Variants in PIAS2 observed in about 807,000 individuals in gnomAD.
PIAS2 encodes E3 SUMO-protein ligase PIAS2.
PIAS2 carries 19 observed loss-of-function variants against 69.7 expected under a neutral mutation model. That is an observed-to-expected ratio of 0.27 (90% CI 0.19 to 0.40). The LOEUF is 0.40. PIAS2 is among the 10% of genes least tolerant of loss of function. PIAS2 has a pLI of 1.00. For synonymous variants in PIAS2, 261 were observed against 263.2 expected, an observed-to-expected ratio of 0.99 and a Z score of 0.08; for missense variants, 624 against 757.0, an observed-to-expected ratio of 0.82 and a Z score of 2.06.
intron 11 of PIAS2, among the ~76,000 whole-genome samples, chr18:46,822,560 A>G (rs924228627): frequency 6.6e-6 from 1 of 152,210 alleles, no homozygotes; most frequent in Non-Finnish European, 1.5e-5. Context: ...TAGAAAAGGC[A>G]GACTCTGGAG....
chr18:46,898,868 G>A (rs1188585383), intron 1 of PIAS2, among the ~76,000 whole-genome samples: 1 of 151,858 alleles, frequency 6.6e-6, no homozygotes, highest in Non-Finnish European at 1.5e-5. Flanking sequence ...ATGGGAGGGT[G>A]CCTGTAATCC....
At chr18:46,916,998 C>T (rs1038818584) in intron 1 of PIAS2, 10 of 986,502 alleles carry the variant, frequency 1.0e-5, no homozygotes, top group African/African-American at 1.7e-5. Context: ...CACATCGGCC[C>T]TCACTGCGAA....
At chr18:46,907,473 GACA>G (rs965220270) in intron 1 of PIAS2, 1 of 152,066 alleles carries the variant, frequency 6.6e-6, no homozygotes, top group African/African-American at 2.4e-5. Flanking sequence ...TACAACTACA[GACA>G]ACAATAAGGA....
At chr18:46,876,691 T>C (rs1309912052) in intron 2 of PIAS2, among the ~76,000 whole-genome samples, 1 of 136,628 alleles carries the variant, frequency 7.3e-6, no homozygotes, top group Non-Finnish European at 1.6e-5. Flanking sequence ...AATGATCCCT[T>C]TACTAATTTT....
intron 2 of PIAS2, among the ~76,000 whole-genome samples, chr18:46,874,474 T>C (rs554059949): frequency 4.2e-4 from 64 of 152,300 alleles, no homozygotes; most frequent in African/African-American, 1.2e-3. Context: ...AAGATGGGAA[T>C]ACCATACCCC....
chr18:46,856,219 T>G (rs2047804121), intron 3 of PIAS2, among the ~76,000 whole-genome samples: 1 of 151,934 alleles, frequency 6.6e-6, no homozygotes, highest in Non-Finnish European at 1.5e-5. Context: ...GCCAGGATGG[T>G]CTTGATCTCC....
chr18:46,860,915 T>C (rs192697892), intron 3 of PIAS2, among the ~76,000 whole-genome samples: 1 of 152,210 alleles, frequency 6.6e-6, no homozygotes, highest in East Asian at 1.9e-4. Flanking sequence ...TGGTCAAGGC[T>C]GCAACAAGCC....
chr18:46,908,435 TG>T (rs1391453901), intron 1 of PIAS2, among the ~76,000 whole-genome samples: 4 of 152,120 alleles, frequency 2.6e-5, no homozygotes, highest in African/African-American at 9.7e-5. Flanking sequence ...TGAAAGGTGA[TG>T]GAACAATTTA....
chr18:46,855,464 T>G (rs2047597580), intron 4 of PIAS2, 29 bp from the exon 5 acceptor site: 2 of 1,585,032 alleles, frequency 1.3e-6, no homozygotes, highest in African/African-American at 2.7e-5. Context: ...AAAGTATTCT[T>G]AAATAGTGTG....
chr18:46,871,748 G>A (rs2050392349), intron 2 of PIAS2, among the ~76,000 whole-genome samples: 1 of 152,094 alleles, frequency 6.6e-6, no homozygotes, highest in South Asian at 2.1e-4. Flanking sequence ...TTTAAAGCAA[G>A]AATCTTAGAA....
chr18:46,903,737 G>GT (rs2056216408), intron 1 of PIAS2: 1 of 152,034 alleles, frequency 6.6e-6, no homozygotes, highest in Non-Finnish European at 1.5e-5. Flanking sequence ...AGATGTGTGC[G>GT]TAAGTTTACC....
chr18:46,842,332 T>C (rs923338425), intron 8 of PIAS2, among the ~76,000 whole-genome samples: 1 of 150,846 alleles, frequency 6.6e-6, no homozygotes, highest in African/African-American at 2.4e-5. Context: ...TGTTTGGCCA[T>C]TGTATTTTGT....
chr18:46,846,673 C>A, intron 6 of PIAS2, 34 bp downstream of exon 6: 1 of 1,583,346 alleles, frequency 6.3e-7, no homozygotes, highest in South Asian at 1.2e-5. Context: ...TCAGTGGGGT[C>A]ACTGTCCTGC....
chr18:46,897,547 T>C (rs962422155), intron 1 of PIAS2, among the ~76,000 whole-genome samples: 8 of 152,194 alleles, frequency 5.3e-5, no homozygotes, highest in African/African-American at 1.9e-4. Flanking sequence ...CTTTAAAGGA[T>C]GTTAAGGGAA....
chr18:46,859,617 C>T (rs948419690), intron 3 of PIAS2, among the ~76,000 whole-genome samples: 1 of 151,960 alleles, frequency 6.6e-6, no homozygotes, highest in South Asian at 2.1e-4. Context: ...TTTTCAACTT[C>T]GCATCTTTGG....
Position 46,811,242 on chromosome 18 carries a change from GTAAGA to G in PIAS2, c.*1186_*1190del, listed in dbSNP as rs1218825965. The G allele has an allele frequency of 6.7e-6, 1 of 149,818 alleles. No individual in the cohort carries two copies. The highest frequency in any genetic ancestry group is 2.5e-5 in the African/African-American group (1 of 40,622). 9.3% of individuals were successfully genotyped at this position (149,818 alleles called of 1,614,324 possible). A position where few individuals can be genotyped will look rare whatever the true frequency, so the allele number is the denominator to read the frequency against. ...TCTCTTTTGTCGTTTGTAGTTTCAG[GTAAGA>G]TATCATTTTAAAAAAATGAAAAAAA... On this transcript the variant is annotated 3_prime_UTR_variant, in exon 14 of 14. Transcript: ENST00000585916.
intron 2 of PIAS2, 68 bp from the exon 3 acceptor site, chr18:46,864,316 A>C (rs951439566): frequency 9.7e-7 from 1 of 1,035,288 alleles, no homozygotes; most frequent in Middle Eastern, 3.1e-4. Context: ...CACCTGCAAT[A>C]ACCAGGCATT....
At chr18:46,823,454 T>C (rs1246768296) in intron 11 of PIAS2, among the ~76,000 whole-genome samples, 2 of 152,170 alleles carry the variant, frequency 1.3e-5, no homozygotes, top group Admixed American at 6.6e-5. Flanking sequence ...CTCCCTTTCC[T>C]TCCCTGACCC....
At chr18:46,892,981 T>C (rs1411539206) in intron 1 of PIAS2, among the ~76,000 whole-genome samples, 1 of 152,164 alleles carries the variant, frequency 6.6e-6, no homozygotes, top group Non-Finnish European at 1.5e-5. Context: ...ACTAACCACA[T>C]TTCAAGTGCT....
Sources: allele counts gnomAD v4.1 joint callset (sites outside exome capture counted in the v4.1 genomes callset), GRCh38; gene constraint gnomAD v4.1.1; transcripts MANE v1.5; gene names NCBI Gene and HGNC (gene_info 2026-07-23, HGNC 2026-07-21).